The following LEPR variants were observed in gnomAD, a reference collection of about 807,000 sequenced individuals.
LEPR encodes OB receptor.
Under a neutral mutation model 114.7 loss-of-function variants are expected in LEPR, and 56 were observed. The observed-to-expected ratio is 0.49, with a 90% CI of 0.39 to 0.61. The LOEUF is 0.61. Among genes scored for constraint, LEPR ranks in the 20% least tolerant of loss-of-function variants. The pLI is 0.00. For missense variants in LEPR, 1,202 were observed against 1,352.9 expected, an observed-to-expected ratio of 0.89 and a Z score of 1.75; for synonymous variants, 443 against 461.4, an observed-to-expected ratio of 0.96 and a Z score of 0.51.
At chr1:65,512,303 G>A (rs1424717053) in intron 2 of LEPR, among the ~76,000 whole-genome samples, 2 of 152,056 alleles carry the variant, frequency 1.3e-5, no homozygotes, top group East Asian at 3.8e-4. Context: ...TCCAACACTG[G>A]GGATTACAAC....
intron 2 of LEPR, among the ~76,000 whole-genome samples, chr1:65,428,753 A>G (rs768146560): frequency 2.2e-4 from 33 of 152,206 alleles, no homozygotes; most frequent in Non-Finnish European, 4.1e-4. Flanking sequence ...GAAATGAAGC[A>G]TAAGAAATGT....
At chr1:65,508,413 A>G (rs1648867064) in intron 2 of LEPR, among the ~76,000 whole-genome samples, 1 of 152,142 alleles carries the variant, frequency 6.6e-6, no homozygotes. Flanking sequence ...GTGGATATCC[A>G]GTTTTCACAA....
At position 65,434,644 on chromosome 1, in the gene LEPR, G is replaced by T. The variant is rs570673588; in HGVS notation, c.-21+9266G>T. On this transcript the variant is annotated intron_variant, in intron 2 of 19. Transcript: ENST00000349533. ...GTGAGTAGTTTGGAGGAAGGACAGT[G>T]CAACTTTCCACCCCTTTTCCTAAGA... The T allele has an allele frequency of 2.3e-5, 23 of 985,390 alleles. 2 individuals carry two copies. The South Asian group carries it at 1.0e-3, about 44-fold the overall frequency. 61.0% of individuals were successfully genotyped at this position (985,390 alleles called of 1,614,324 possible).
chr1:65,502,691 G>A (rs557343469), intron 2 of LEPR, among the ~76,000 whole-genome samples: 2 of 152,252 alleles, frequency 1.3e-5, no homozygotes, highest in African/African-American at 4.8e-5. Flanking sequence ...CCTTCATTGT[G>A]AGGCTGAAAT....
At chr1:65,580,152 A>G (rs1409825630) in intron 5 of LEPR, among the ~76,000 whole-genome samples, 1 of 152,192 alleles carries the variant, frequency 6.6e-6, no homozygotes, top group Non-Finnish European at 1.5e-5. Flanking sequence ...CATTGCACCA[A>G]CTATCACATG....
At chr1:65,593,578 T>A (rs1040926223) in intron 6 of LEPR, among the ~76,000 whole-genome samples, 2 of 152,268 alleles carry the variant, frequency 1.3e-5, no homozygotes, top group Admixed American at 6.5e-5. Flanking sequence ...GCAAACTCTT[T>A]ATGTCTGATT....
intron 2 of LEPR, among the ~76,000 whole-genome samples, chr1:65,516,482 C>T (rs1413291056): frequency 6.6e-6 from 1 of 152,070 alleles, no homozygotes; most frequent in African/African-American, 2.4e-5. Flanking sequence ...CCAAAAAAAA[C>T]TACTTTCCAT....
Position 65,532,542 on chromosome 1 carries a change from G to A in LEPR, c.-20-33004G>A, listed in dbSNP as rs75690506. Among the ~76,000 whole-genome samples, 928 of 152,180 alleles carry A rather than the reference G, an allele frequency of 6.1e-3. 12 individuals are homozygous for A. The highest frequency in any genetic ancestry group is 0.022 in the African/African-American group (893 of 41,512). Reference sequence around the variant, plus strand: ...CAAAAAGTTGTACAGAAGTGTCAGTGGCAACATTCTTCATAATAACCAAAA... The same window carrying A: ...CAAAAAGTTGTACAGAAGTGTCAGTAGCAACATTCTTCATAATAACCAAAA... On this transcript the variant is annotated intron_variant, in intron 2 of 19. Coordinates refer to ENST00000349533, the MANE Select transcript of LEPR (RefSeq NM_002303.6).
chr1:65,626,146 A>C, intron 19 of LEPR: 1 of 1,612,406 alleles, frequency 6.2e-7, no homozygotes, highest in Non-Finnish European at 8.5e-7. Flanking sequence ...CAAAGGAACT[A>C]CTGGGTGGAG....
At position 65,609,957 on chromosome 1, in the gene LEPR, T is replaced by A; in HGVS notation, c.1763T>A (p.Val588Asp). ...TGACTTATTTTACAGATGTATGAGG[T>A]TTATGATGCAAAATCAAAATCTGTC... is the stretch of plus-strand genomic sequence containing the variant. ...GKEVQWKMYE[V>D]YDAKSKSVSL... The change falls in exon 13 of 20, where the codon GTT (valine) becomes GAT (aspartate). Residue 588 changes from valine to aspartate, a missense_variant. By Grantham distance (152) the Val-to-Asp change is radical. Coordinates refer to ENST00000349533, the MANE Select transcript of LEPR (RefSeq NM_002303.6). 1 of 1,614,156 alleles carries A rather than the reference T, an allele frequency of 6.2e-7. No homozygotes were observed. The highest frequency in any genetic ancestry group is 8.5e-7 in the Non-Finnish European group (1 of 1,179,986).
intron 19 of LEPR, chr1:65,630,419 AAAAG>A (rs768353519): frequency 3.6e-5 from 5 of 140,100 alleles, no homozygotes; most frequent in Non-Finnish European, 6.1e-5. Context: ...ATAAAAAAAA[AAAAG>A]AAAGAAAAAA....
chr1:65,434,411 A>C, intron 2 of LEPR: 6 of 985,440 alleles, frequency 6.1e-6, no homozygotes, highest in Non-Finnish European at 7.2e-6. Context: ...ATTGGCCACA[A>C]GTAAATAATC....
chr1:65,609,894 T>C (rs1208308051), intron 12 of LEPR, 53 bp from the exon 13 acceptor site: 7 of 1,612,304 alleles, frequency 4.3e-6, no homozygotes, highest in Admixed American at 3.3e-5. Context: ...CAGGGCCCTT[T>C]AGATACATAT....
At chr1:65,602,053 T>C in intron 10 of LEPR, 93 bp downstream of exon 10, 1 of 1,103,584 alleles carries the variant, frequency 9.1e-7, no homozygotes, top group South Asian at 1.2e-5. Context: ...TACAGATTAT[T>C]TGCTTCCTGA....
chr1:65,492,145 A>G (rs1295063242), intron 2 of LEPR, among the ~76,000 whole-genome samples: 1 of 152,114 alleles, frequency 6.6e-6, no homozygotes, highest in Non-Finnish European at 1.5e-5. Flanking sequence ...AACAATAAAA[A>G]ATCTTTTCTG....
intron 2 of LEPR, among the ~76,000 whole-genome samples, chr1:65,470,334 A>G (rs1263235178): frequency 6.6e-6 from 1 of 152,246 alleles, no homozygotes; most frequent in Non-Finnish European, 1.5e-5. Flanking sequence ...ATCAGAGGCC[A>G]GGAAATTGGC....
chr1:65,570,606 A>G lies in LEPR; in HGVS notation c.174A>G (p.Ser58=), dbSNP rs1654087106. Residue 58 remains serine (S), a synonymous_variant, in exon 4 of 20, where the codon TCA becomes TCG. Coordinates refer to ENST00000349533, the MANE Select transcript of LEPR (RefSeq NM_002303.6). ...CTGCTGGACTCTCAAAGAATACTTC[A>G]AATTCGAATGGACATTATGAGACAG... is the stretch of plus-strand genomic sequence containing the variant. The part of the protein sequence containing the change: ...LLPAGLSKNT[S]NSNGHYETAV... The G allele has an allele frequency of 1.9e-6, 3 of 1,614,000 alleles. No individual in the cohort carries two copies. The highest frequency in any genetic ancestry group is 1.7e-6 in the Non-Finnish European group (2 of 1,179,940).
intron 8 of LEPR, 135 bp from the exon 9 acceptor site, chr1:65,601,257 T>C: frequency 1.9e-6 from 2 of 1,067,154 alleles, no homozygotes; most frequent in Non-Finnish European, 1.4e-6. Flanking sequence ...TTCAGCATTA[T>C]CCAGTTTTTA....
chr1:65,443,214 T>C (rs1646671560), intron 2 of LEPR, among the ~76,000 whole-genome samples: 1 of 151,976 alleles, frequency 6.6e-6, no homozygotes, highest in Admixed American at 6.6e-5. Flanking sequence ...AGATAAAAGA[T>C]CAGTATCAAA....
Sources: allele counts gnomAD v4.1 joint callset (sites outside exome capture counted in the v4.1 genomes callset), GRCh38; gene constraint gnomAD v4.1.1; transcripts MANE v1.5; gene names NCBI Gene and HGNC (gene_info 2026-07-23, HGNC 2026-07-21).